SLAMF6: variants seen among roughly 807,000 people sequenced by gnomAD.
The protein encoded by SLAMF6 is SLAM family member 6.
Under a neutral mutation model 38.3 loss-of-function variants are expected in SLAMF6, and 21 were observed. That is an observed-to-expected ratio of 0.55 (90% CI 0.39 to 0.79). SLAMF6 has a LOEUF of 0.79. Ranked by LOEUF, SLAMF6 falls within the 30% of genes least tolerant of loss-of-function variation. The pLI, the probability that SLAMF6 is intolerant of heterozygous loss-of-function variation, is 0.00. For missense variants in SLAMF6, 341 were observed against 385.3 expected, an observed-to-expected ratio of 0.89 and a Z score of 0.96; for synonymous variants, 152 against 146.3, an observed-to-expected ratio of 1.04 and a Z score of -0.28.
chr1:160,490,957 G>T, intron 3 of SLAMF6, 168 bp downstream of exon 3: 1 of 927,600 alleles, frequency 1.1e-6, no homozygotes, highest in Non-Finnish European at 1.6e-6. Flanking sequence ...GAAGGAAGGA[G>T]AGTCCTCTGG....
In SLAMF6 at chr1:160,491,146, A is replaced by C. The variant is rs1307100444; in HGVS notation, c.625T>G (p.Ser209Ala). 1 of 1,613,786 alleles carries C rather than the reference A, an allele frequency of 6.2e-7. No homozygotes were observed. The highest frequency in any genetic ancestry group is 8.5e-7 in the Non-Finnish European group (1 of 1,179,968). ...NAVSNLSFSVSAQKLCEDVKI... is the reference protein window; with the variant it reads ...NAVSNLSFSVAAQKLCEDVKI... ...TTACCTTCGCAAAGCTTCTGGGCAG[A>C]GACAGAGAAGGATAAATTACTGACA... The change falls in exon 3 of 8, where the codon TCT becomes GCT. Residue 209 changes from serine (S) to alanine (A), a missense_variant. Physicochemically the swap from Ser to Ala is moderately conservative, Grantham distance 99. Transcript: ENST00000368057.
chr1:160,498,404 G>T (rs1205990610), intron 1 of SLAMF6, among the ~76,000 whole-genome samples: 1 of 152,150 alleles, frequency 6.6e-6, no homozygotes, highest in African/African-American at 2.4e-5. Flanking sequence ...ATGTTTAATT[G>T]ACTCACAGTT....
intron 1 of SLAMF6, among the ~76,000 whole-genome samples, chr1:160,502,059 CA>C (rs944087270): frequency 6.6e-6 from 1 of 152,124 alleles, no homozygotes; most frequent in Non-Finnish European, 1.5e-5. Context: ...GCTTCAGGGC[CA>C]AGGTGTTGTG....
intron 2 of SLAMF6, among the ~76,000 whole-genome samples, chr1:160,492,965 G>A (rs560907406): frequency 6.6e-6 from 1 of 151,998 alleles, no homozygotes; most frequent in South Asian, 2.1e-4. Flanking sequence ...CTCCTAATTG[G>A]CCCATTGGCT....
intron 1 of SLAMF6, among the ~76,000 whole-genome samples, chr1:160,501,319 T>A (rs1412334235): frequency 6.6e-6 from 1 of 152,202 alleles, no homozygotes; most frequent in East Asian, 1.9e-4. Flanking sequence ...TGTGGTGGGT[T>A]GGGCATTGAG....
chr1:160,490,293 C>A (rs771691477), intron 4 of SLAMF6, 57 bp from the exon 5 acceptor site: 156 of 1,610,740 alleles, frequency 9.7e-5, no homozygotes, highest in Non-Finnish European at 1.2e-4. Context: ...AGGCATTTCA[C>A]CCCTAACCCC....
rs567063098 is a variant in SLAMF6 at position 160,508,306 on chromosome 1, C to CAT, written c.50-11915_50-11914dup. ...AAACAGCATGGTACTGGTACCAAAACATATATATAGATCAGTGGTACAGAA... is the reference window on the plus strand; with the variant it reads ...AAACAGCATGGTACTGGTACCAAAACATATATATATAGATCAGTGGTACAGAA... On this transcript the variant is annotated intron_variant, in intron 1 of 7. Coordinates refer to ENST00000368057, the MANE Select transcript of SLAMF6 (RefSeq NM_001184714.2). 3.9e-4 allele frequency among the ~76,000 whole-genome samples: 59 copies of CAT among 152,254 alleles called. 2 individuals are homozygous for CAT. Among genetic ancestry groups the CAT allele is most frequent in the East Asian group, 2.7e-3 (14 of 5,184 alleles).
At chr1:160,505,276 A>G (rs1208195427) in intron 1 of SLAMF6, among the ~76,000 whole-genome samples, 1 of 152,230 alleles carries the variant, frequency 6.6e-6, no homozygotes, top group African/African-American at 2.4e-5. Flanking sequence ...TATTAAAAAT[A>G]TCTAGTTTCA....
Position 160,496,396 on chromosome 1 carries a change from G to C in SLAMF6, c.50-3C>G. The C allele has an allele frequency of 6.2e-7, 1 of 1,610,926 alleles. No individual in the cohort carries two copies. Among genetic ancestry groups the C allele is most frequent in the East Asian group, 2.2e-5 (1 of 44,822 alleles). On this transcript the variant is annotated splice_polypyrimidine_tract_variant and splice_region_variant and intron_variant, in intron 1 of 7. Coordinates refer to ENST00000368057, the MANE Select transcript of SLAMF6 (RefSeq NM_001184714.2). Reference sequence around the variant, plus strand: ...GCTGCTTTGTGAAACTACATTCCCTGTAAACACAGAAGGAAAGGTTTTAAA... The same window carrying C: ...GCTGCTTTGTGAAACTACATTCCCTCTAAACACAGAAGGAAAGGTTTTAAA...
chr1:160,510,358 C>T (rs1025874445), intron 1 of SLAMF6, among the ~76,000 whole-genome samples: 3 of 152,022 alleles, frequency 2.0e-5, no homozygotes, highest in African/African-American at 7.2e-5. Context: ...TACTAACAAA[C>T]TGAATCCAGC....
chr1:160,510,428 G>T (rs948035918), intron 1 of SLAMF6, among the ~76,000 whole-genome samples: 24 of 151,960 alleles, frequency 1.6e-4, no homozygotes, highest in African/African-American at 5.6e-4. Flanking sequence ...ATGCAAAAGT[G>T]GTTCAATACA....
chr1:160,488,808 G>T (rs1653107729), intron 6 of SLAMF6, among the ~76,000 whole-genome samples: 1 of 152,156 alleles, frequency 6.6e-6, no homozygotes, highest in Non-Finnish European at 1.5e-5. Context: ...GACATAATTT[G>T]TACTTTCAGT....
chr1:160,523,233 G>A lies in SLAMF6; in HGVS notation c.-41C>T. 2 of 1,604,680 alleles carry A rather than the reference G, an allele frequency of 1.2e-6. No individual in the cohort carries two copies. The highest frequency in any genetic ancestry group is 1.7e-6 in the Non-Finnish European group (2 of 1,175,936). ...GACTGGTGCTTGAGACCTTGAGGCA[G>A]TCAATGTTTTTGCCCTTCTGTCATA... is the stretch of plus-strand genomic sequence containing the variant. On this transcript the variant is annotated 5_prime_UTR_variant, in exon 1 of 8. Transcript: ENST00000368057.
intron 2 of SLAMF6, among the ~76,000 whole-genome samples, chr1:160,492,510 G>A (rs1406048992): frequency 1.3e-5 from 2 of 152,224 alleles, no homozygotes; most frequent in East Asian, 3.9e-4. Context: ...GAATAAATGA[G>A]ACAGTGCCTA....
In SLAMF6 at chr1:160,511,685, ATAAG is replaced by A. The variant is rs1172634464; in HGVS notation, c.49+11455_49+11458del. ...GATTCTGATATATGACACCAAAAGC[ATAAG>A]TAAGAAAAGATAAAATGTGGGGAGG... On this transcript the variant is annotated intron_variant, in intron 1 of 7. Transcript: ENST00000368057. 2.6e-5 allele frequency among the ~76,000 whole-genome samples: 4 copies of A among 152,368 alleles called. No individual in the cohort carries two copies. In the South Asian group the frequency reaches 6.2e-4, roughly 24 times the overall value.
Position 160,523,238 on chromosome 1 carries a change from T to C in SLAMF6, c.-46A>G. 1 of 1,604,056 alleles carries C rather than the reference T, an allele frequency of 6.2e-7. No homozygotes were observed. The highest frequency in any genetic ancestry group is 8.5e-7 in the Non-Finnish European group (1 of 1,175,546). On this transcript the variant is annotated 5_prime_UTR_variant, in exon 1 of 8. Transcript: ENST00000368057. Reference sequence around the variant, plus strand: ...GTGCTTGAGACCTTGAGGCAGTCAATGTTTTTGCCCTTCTGTCATAAACTG... The same window carrying C: ...GTGCTTGAGACCTTGAGGCAGTCAACGTTTTTGCCCTTCTGTCATAAACTG...
chr1:160,513,280 C>T (rs113995543), intron 1 of SLAMF6, among the ~76,000 whole-genome samples: 3,166 of 152,110 alleles, frequency 0.021, 111 homozygotes, highest in African/African-American at 0.072. Context: ...TGAAGACTAT[C>T]TTGCTGAAAT....
intron 2 of SLAMF6, among the ~76,000 whole-genome samples, chr1:160,493,613 C>T (rs1191299017): frequency 6.6e-6 from 1 of 152,142 alleles, no homozygotes; most frequent in Admixed American, 6.5e-5. Flanking sequence ...CCATGTCTAA[C>T]AAATATTGTT....
In SLAMF6 at chr1:160,489,745, C is replaced by A. The variant is rs182481060; in HGVS notation, c.796+453G>T. On this transcript the variant is annotated intron_variant, in intron 5 of 7. Transcript: ENST00000368057. ...CTCATGCATGAAATGAGACCCAAAG[C>A]CAATCTGAGTCCAGAGCCTGTGTTT... Among the ~76,000 whole-genome samples the A allele has an allele frequency of 1.3e-3, 196 of 152,266 alleles. 3 individuals are homozygous for A. Among genetic ancestry groups the A allele is most frequent in the Non-Finnish European group, 2.3e-3 (158 of 68,012 alleles).
Sources: gnomAD v4.1 joint callset for allele counts (sites outside exome capture counted in the v4.1 genomes callset) on GRCh38, gnomAD v4.1.1 for gene constraint, MANE v1.5 for transcripts, NCBI Gene and HGNC (gene_info 2026-07-23, HGNC 2026-07-21) for gene names.